CLNK: variants seen among roughly 807,000 people sequenced by gnomAD.
The protein encoded by CLNK is cytokine dependent hematopoietic cell linker, also known as cytokine-dependent hematopoietic cell linker.
Under a neutral mutation model 68.6 loss-of-function variants are expected in CLNK, and 74 were observed. The observed-to-expected ratio is 1.08, with a 90% confidence interval of 0.89 to 1.31. The LOEUF (loss-of-function observed/expected upper bound fraction) is 1.31, where lower values mean the gene tolerates loss of function less well. Among genes scored for constraint, CLNK ranks in the 50% most tolerant of loss-of-function variants. CLNK has a pLI of 0.00. For missense variants in CLNK, 553 were observed against 515.3 expected, an observed-to-expected ratio of 1.07 and a Z score of -0.71; for synonymous variants, 198 against 172.2, an observed-to-expected ratio of 1.15 and a Z score of -1.17.
chr4:10,560,342 A>G (rs1719838282), intron 7 of CLNK, among the ~76,000 whole-genome samples: 1 of 152,262 alleles, frequency 6.6e-6, no homozygotes, highest in Non-Finnish European at 1.5e-5. Context: ...AGGGCAAGAC[A>G]GTTGTCAAGA....
intron 7 of CLNK, among the ~76,000 whole-genome samples, chr4:10,559,755 CAAAT>C (rs1170089111): frequency 6.6e-6 from 1 of 152,054 alleles, no homozygotes; most frequent in African/African-American, 2.4e-5. Context: ...CAACTTCTGT[CAAAT>C]AAATATTTAC....
intron 2 of CLNK, among the ~76,000 whole-genome samples, chr4:10,646,193 C>T (rs1052439521): frequency 6.6e-6 from 1 of 152,104 alleles, no homozygotes; most frequent in Non-Finnish European, 1.5e-5. Context: ...ATACCTGTAT[C>T]AAAATATCAC....
At chr4:10,725,864 A>AG in the CLNK span, among the ~76,000 whole-genome samples, 5 of 149,090 alleles carry the variant, frequency 3.4e-5, no homozygotes, top group African/African-American at 1.2e-4. Flanking sequence ...AAAAAAAAAA[A>AG]GAAAAAAGAA....
At chr4:10,714,061 GCAGATAT>G in the CLNK span, among the ~76,000 whole-genome samples, 1 of 152,112 alleles carries the variant, frequency 6.6e-6, no homozygotes, top group South Asian at 2.1e-4. Context: ...GCCTAGACAG[GCAGATAT>G]TGTTGGGGAA....
the CLNK span, among the ~76,000 whole-genome samples, chr4:10,694,985 A>T: frequency 7.2e-5 from 11 of 152,184 alleles, 1 homozygote; most frequent in Non-Finnish European, 1.3e-4. Context: ...CATGCAATGA[A>T]CTCACGGAAG....
rs1470872480 is a variant in CLNK at position 10,488,049 on chromosome 4, A to C, written c.*2418T>G. ...ATTTTCCATTTTATATTTTTTACAG[A>C]AGTGTTCAAATACACAAAAATATTG... On this transcript the variant is annotated 3_prime_UTR_variant, in exon 19 of 19. Coordinates refer to ENST00000226951, the MANE Select transcript of CLNK (RefSeq NM_052964.4). The C allele has an allele frequency of 1.3e-5, 2 of 152,148 alleles. No individual in the cohort carries two copies. The highest frequency in any genetic ancestry group is 2.9e-5 in the Non-Finnish European group (2 of 68,034). 9.4% of individuals were successfully genotyped at this position (152,148 alleles called of 1,614,324 possible). A position where few individuals can be genotyped will look rare whatever the true frequency, so the allele number is the denominator to read the frequency against.
the CLNK span, among the ~76,000 whole-genome samples, chr4:10,696,049 T>G: frequency 3.5e-3 from 530 of 152,072 alleles, 3 homozygotes; most frequent in African/African-American, 0.012. Flanking sequence ...AGAGATGGGG[T>G]TTCACCCTGT....
At chr4:10,664,043 C>G (rs1050699876) in intron 2 of CLNK, among the ~76,000 whole-genome samples, 3 of 152,092 alleles carry the variant, frequency 2.0e-5, no homozygotes, top group Non-Finnish European at 2.9e-5. Context: ...TCCTGAGTTA[C>G]CCAGTCTGAG....
At chr4:10,635,221 T>A (rs1172803062) in intron 2 of CLNK, among the ~76,000 whole-genome samples, 1 of 152,214 alleles carries the variant, frequency 6.6e-6, no homozygotes, top group African/African-American at 2.4e-5. Flanking sequence ...ACATTCCGTA[T>A]TAGACATATG....
At chr4:10,671,887 C>A (rs558533706) in intron 1 of CLNK, among the ~76,000 whole-genome samples, 195 of 152,306 alleles carry the variant, frequency 1.3e-3, no homozygotes, top group Non-Finnish European at 1.6e-3. Flanking sequence ...CAGCTTCCCC[C>A]CAACTTAGTT....
At chr4:10,643,032 A>C (rs1723370781) in intron 2 of CLNK, among the ~76,000 whole-genome samples, 1 of 152,212 alleles carries the variant, frequency 6.6e-6, no homozygotes, top group Non-Finnish European at 1.5e-5. Flanking sequence ...AAATGGAAAA[A>C]TAGACATGAT....
the CLNK span, among the ~76,000 whole-genome samples, chr4:10,698,126 A>T: frequency 1.3e-5 from 2 of 152,176 alleles, no homozygotes; most frequent in Non-Finnish European, 2.9e-5. Context: ...TTAACTCAGG[A>T]GGTGGTTTGT....
chr4:10,730,734 A>G, the CLNK span, among the ~76,000 whole-genome samples: 7 of 152,322 alleles, frequency 4.6e-5, no homozygotes, highest in African/African-American at 1.4e-4. Context: ...ATATGGGTCT[A>G]TTCTTACTTC....
the CLNK span, among the ~76,000 whole-genome samples, chr4:10,726,319 C>T: frequency 6.6e-6 from 1 of 152,206 alleles, no homozygotes; most frequent in Admixed American, 6.5e-5. Context: ...TAAGGTTTCA[C>T]CATGTTGGCC....
chr4:10,603,503 C>G (rs959970316), intron 2 of CLNK, among the ~76,000 whole-genome samples: 3 of 152,214 alleles, frequency 2.0e-5, no homozygotes, highest in African/African-American at 7.2e-5. Context: ...TCCTCAGGAA[C>G]TGCCGCAGGT....
Position 10,610,051 on chromosome 4 carries a change from T to G in CLNK, c.12-12002A>C, listed in dbSNP as rs1560240557. ...AATGCTCGTTTTTTTTTTTTTTTTTTTTTTTTTTTTTTTTTTTTTTTTTGA... is the reference window on the plus strand; with the variant it reads ...AATGCTCGTTTTTTTTTTTTTTTTTGTTTTTTTTTTTTTTTTTTTTTTTGA... On this transcript the variant is annotated intron_variant, in intron 2 of 18. Coordinates refer to ENST00000226951, the MANE Select transcript of CLNK (RefSeq NM_052964.4). Among the ~76,000 whole-genome samples the G allele has an allele frequency of 7.8e-4, 87 of 111,720 alleles. 7 individuals carry two copies. Among genetic ancestry groups the G allele is most frequent in the East Asian group, 1.5e-3 (6 of 3,880 alleles). The allele number at this position is 111,720 out of a possible 152,430, so 73.3% of individuals were successfully genotyped here. A position where few individuals can be genotyped will look rare whatever the true frequency, so the allele number is the denominator to read the frequency against.
chr4:10,564,388 G>A (rs989171183), intron 7 of CLNK, among the ~76,000 whole-genome samples: 1 of 152,306 alleles, frequency 6.6e-6, no homozygotes, highest in South Asian at 2.1e-4. Flanking sequence ...TGGAGAATGC[G>A]ATGAGCATTA....
the CLNK span, among the ~76,000 whole-genome samples, chr4:10,714,235 C>T: frequency 6.6e-6 from 1 of 152,164 alleles, no homozygotes; most frequent in African/African-American, 2.4e-5. Context: ...TAGTAACAAA[C>T]ATTTTACACA....
Position 10,543,711 on chromosome 4 carries a change from A to G in CLNK, c.446-1431T>C, listed in dbSNP as rs574139042. ...TCTGTATAATTTTAATGGCTCTTCT[A>G]TGTCTAAAACAATTACTTCAAAGAA... On this transcript the variant is annotated intron_variant, in intron 8 of 18. Transcript: ENST00000226951. Among the ~76,000 whole-genome samples the G allele has an allele frequency of 2.6e-5, 4 of 152,378 alleles. No homozygotes were observed. In the South Asian group the frequency reaches 6.2e-4, roughly 24 times the overall value.
Sources: allele counts gnomAD v4.1 joint callset (sites outside exome capture counted in the v4.1 genomes callset), GRCh38; gene constraint gnomAD v4.1.1; transcripts MANE v1.5; gene names NCBI Gene and HGNC (gene_info 2026-07-23, HGNC 2026-07-21).